The following RIC8B variants were observed in gnomAD, a reference collection of about 807,000 sequenced individuals.
The protein encoded by RIC8B is chaperone Ric-8B.
RIC8B carries 16 observed loss-of-function variants against 57.5 expected under a neutral mutation model. The ratio of observed to expected loss-of-function variants is 0.28; its 90% CI spans 0.19 to 0.42. RIC8B has a LOEUF of 0.42. Among genes scored for constraint, RIC8B ranks in the 10% least tolerant of loss-of-function variants. RIC8B has a pLI of 1.00. For missense variants in RIC8B, 481 were observed against 677.0 expected, an observed-to-expected ratio of 0.71 and a Z score of 3.21; for synonymous variants, 216 against 250.8, an observed-to-expected ratio of 0.86 and a Z score of 1.31.
chr12:106,853,225 A>G (rs922142957), intron 7 of RIC8B, among the ~76,000 whole-genome samples: 1 of 151,872 alleles, frequency 6.6e-6, no homozygotes, highest in African/African-American at 2.4e-5. Context: ...AAATAATTAC[A>G]TATCTAAATA....
intron 7 of RIC8B, among the ~76,000 whole-genome samples, chr12:106,852,305 C>T (rs1475679103): frequency 6.6e-6 from 1 of 152,158 alleles, no homozygotes; most frequent in Non-Finnish European, 1.5e-5. Flanking sequence ...TCTTCTTCTA[C>T]TTTGTAAGTC....
At chr12:106,881,582 CTGG>C (rs1378812823) in intron 9 of RIC8B, among the ~76,000 whole-genome samples, 5 of 152,044 alleles carry the variant, frequency 3.3e-5, no homozygotes, top group African/African-American at 4.8e-5. Context: ...AGCCATACGA[CTGG>C]TGAAGGAATA....
At chr12:106,800,874 T>C (rs1333788071) in intron 2 of RIC8B, among the ~76,000 whole-genome samples, 1 of 152,170 alleles carries the variant, frequency 6.6e-6, no homozygotes, top group Non-Finnish European at 1.5e-5. Flanking sequence ...GACCAGGATT[T>C]ATATCAGCCA....
At chr12:106,800,325 G>A (rs1325529527) in intron 2 of RIC8B, among the ~76,000 whole-genome samples, 1 of 151,996 alleles carries the variant, frequency 6.6e-6, no homozygotes, top group East Asian at 1.9e-4. Flanking sequence ...CAAAGCTGGA[G>A]GGAGACACCT....
At chr12:106,869,014 C>A (rs1240620533) in intron 8 of RIC8B, among the ~76,000 whole-genome samples, 2 of 152,142 alleles carry the variant, frequency 1.3e-5, no homozygotes, top group East Asian at 1.9e-4. Flanking sequence ...TAAGAGAAAA[C>A]AAGTGGGTAG....
At chr12:106,825,519 T>C (rs1179275672) in intron 3 of RIC8B, among the ~76,000 whole-genome samples, 2 of 152,286 alleles carry the variant, frequency 1.3e-5, no homozygotes, top group East Asian at 3.9e-4. Context: ...AGTGGCTAGG[T>C]CAGCATTTCT....
chr12:106,834,734 A>G (rs371906390), intron 4 of RIC8B, among the ~76,000 whole-genome samples: 15 of 152,108 alleles, frequency 9.9e-5, no homozygotes, highest in East Asian at 3.8e-4. Flanking sequence ...CTGTAATCCC[A>G]GCACTTTGGG....
chr12:106,777,464 G>A (rs1317079061), intron 1 of RIC8B, among the ~76,000 whole-genome samples: 2 of 152,128 alleles, frequency 1.3e-5, no homozygotes, highest in African/African-American at 4.8e-5. Flanking sequence ...GAAATGTTTG[G>A]ATTATGAGGT....
At chr12:106,870,709 G>A in intron 8 of RIC8B, 114 bp from the exon 9 acceptor site, 1 of 730,172 alleles carries the variant, frequency 1.4e-6, no homozygotes, top group Non-Finnish European at 2.0e-6. Context: ...TGAAATTATT[G>A]CCAATTTTTT....
At chr12:106,785,438 C>A (rs551537468) in intron 2 of RIC8B, among the ~76,000 whole-genome samples, 1 of 152,250 alleles carries the variant, frequency 6.6e-6, no homozygotes, top group African/African-American at 2.4e-5. Flanking sequence ...CTATATAAAT[C>A]TCTAAATTAA....
At position 106,799,694 on chromosome 12, in the gene RIC8B, A is replaced by G. The variant is rs142901650; in HGVS notation, c.133-15002A>G. Among the ~76,000 whole-genome samples the G allele has an allele frequency of 3.6e-3, 544 of 152,316 alleles. 2 individuals carry two copies. Among genetic ancestry groups the G allele is most frequent in the Non-Finnish European group, 6.1e-3 (415 of 68,024 alleles). ...AGAAAGATCAATTTACTCCAGATCC[A>G]AGTTCAGAAAATAGAACTAGGGATT... On this transcript the variant is annotated intron_variant, in intron 2 of 9. Coordinates refer to ENST00000392837, the MANE Select transcript of RIC8B (RefSeq NM_001330145.2).
At chr12:106,874,212 TAGTA>T (rs937026618) in intron 9 of RIC8B, among the ~76,000 whole-genome samples, 3 of 152,242 alleles carry the variant, frequency 2.0e-5, no homozygotes, top group African/African-American at 7.2e-5. Flanking sequence ...CTGTCTGTTA[TAGTA>T]AGTGTTTGCC....
chr12:106,783,956 A>G (rs765173238), intron 1 of RIC8B, 41 bp from the exon 2 acceptor site: 5 of 1,590,812 alleles, frequency 3.1e-6, no homozygotes, highest in South Asian at 2.2e-5. Flanking sequence ...TAAAAAATAC[A>G]TGTATTTAAA....
intron 9 of RIC8B, among the ~76,000 whole-genome samples, chr12:106,872,508 A>G (rs1950476120): frequency 6.6e-6 from 1 of 152,100 alleles, no homozygotes; most frequent in Admixed American, 6.6e-5. Context: ...GTCTCTACTG[A>G]AAATACAAAT....
chr12:106,775,768 C>A (rs556612966), intron 1 of RIC8B, among the ~76,000 whole-genome samples: 1 of 152,224 alleles, frequency 6.6e-6, no homozygotes, highest in African/African-American at 2.4e-5. Context: ...ACACCTTTAT[C>A]CTTTGGTTTA....
intron 4 of RIC8B, among the ~76,000 whole-genome samples, chr12:106,835,336 T>C (rs1468303367): frequency 6.6e-6 from 1 of 152,204 alleles, no homozygotes; most frequent in Non-Finnish European, 1.5e-5. Flanking sequence ...GCTTTAGGTT[T>C]AGGAACCTGT....
At chr12:106,810,684 T>A (rs2045297391) in intron 2 of RIC8B, among the ~76,000 whole-genome samples, 1 of 152,068 alleles carries the variant, frequency 6.6e-6, no homozygotes, top group Non-Finnish European at 1.5e-5. Flanking sequence ...ATGAGATAAT[T>A]TGGAAAGAAA....
At position 106,777,020 on chromosome 12, in the gene RIC8B, G is replaced by A. The variant is rs549346279; in HGVS notation, c.84+2191G>A. Among the ~76,000 whole-genome samples, 36 of 152,284 alleles carry A rather than the reference G, an allele frequency of 2.4e-4. 1 individual carries two copies. The South Asian group carries it at 7.3e-3, about 31-fold the overall frequency. ...CTACAGGTGCGTGCAACAGCACTGG[G>A]CTAACTTTTTAAATTCATTTTTTGT... On this transcript the variant is annotated intron_variant, in intron 1 of 9. Coordinates refer to ENST00000392837, the MANE Select transcript of RIC8B (RefSeq NM_001330145.2).
At chr12:106,776,940 G>T (rs940471405) in intron 1 of RIC8B, among the ~76,000 whole-genome samples, 31 of 152,222 alleles carry the variant, frequency 2.0e-4, no homozygotes, top group African/African-American at 7.2e-4. Context: ...GTGCAATCAC[G>T]GCTCACTGCA....
Sources: gnomAD v4.1 joint callset for allele counts (sites outside exome capture counted in the v4.1 genomes callset) on GRCh38, gnomAD v4.1.1 for gene constraint, MANE v1.5 for transcripts, NCBI Gene and HGNC (gene_info 2026-07-23, HGNC 2026-07-21) for gene names.